DCAF6: variants seen among roughly 807,000 people sequenced by gnomAD.
DCAF6 encodes DDB1 and CUL4 associated factor 6, also known as DDB1- and CUL4-associated factor 6.
DCAF6 carries 54 observed loss-of-function variants against 125.1 expected under a neutral mutation model. The ratio of observed to expected loss-of-function variants is 0.43; its 90% CI spans 0.35 to 0.54. The LOEUF (loss-of-function observed/expected upper bound fraction) is 0.54. Among genes scored for constraint, DCAF6 ranks in the 20% least tolerant of loss-of-function variants. DCAF6 has a pLI of 0.01. For missense variants in DCAF6, 934 were observed against 1,161.7 expected, an observed-to-expected ratio of 0.80 and a Z score of 2.85; for synonymous variants, 371 against 390.4, an observed-to-expected ratio of 0.95 and a Z score of 0.58.
At chr1:168,056,005 C>G (rs1270385281) in intron 17 of DCAF6, 2 of 1,607,000 alleles carry the variant, frequency 1.2e-6, no homozygotes, top group Non-Finnish European at 1.7e-6. Context: ...CAACCATCTT[C>G]ATAACAAGAT....
intron 16 of DCAF6, among the ~76,000 whole-genome samples, chr1:168,048,863 G>T (rs1054175634): frequency 1.1e-4 from 16 of 152,242 alleles, no homozygotes; most frequent in African/African-American, 3.6e-4. Flanking sequence ...TTCAAAAATC[G>T]GCATTTGGCG....
chr1:167,928,177 T>C, the DCAF6 span, among the ~76,000 whole-genome samples: 1 of 152,050 alleles, frequency 6.6e-6, no homozygotes, highest in East Asian at 1.9e-4. Context: ...TGAAACCCTG[T>C]CTCTACTAAA....
chr1:167,873,049 G>A, the DCAF6 span, among the ~76,000 whole-genome samples: 37 of 151,798 alleles, frequency 2.4e-4, no homozygotes, highest in African/African-American at 8.7e-4. Context: ...CAGCCTGGGC[G>A]ACAGAGTGAG....
chr1:167,957,666 C>G (rs1674984766), intron 2 of DCAF6, among the ~76,000 whole-genome samples: 1 of 152,100 alleles, frequency 6.6e-6, no homozygotes, highest in Non-Finnish European at 1.5e-5. Context: ...ATTGCTAGGT[C>G]ATATGGTAAA....
intron 5 of DCAF6, among the ~76,000 whole-genome samples, chr1:167,988,208 C>T (rs1036625330): frequency 6.6e-6 from 1 of 151,992 alleles, no homozygotes; most frequent in African/African-American, 2.4e-5. Context: ...CATCTCAGGC[C>T]GGAGTGCAGT....
At chr1:167,875,047 G>T in the DCAF6 span, 3 of 1,100,350 alleles carry the variant, frequency 2.7e-6, no homozygotes, top group South Asian at 3.7e-5. Context: ...AATTCATTAA[G>T]CTGCACAGTT....
In DCAF6 at chr1:168,063,744, C is replaced by T; in HGVS notation, c.2424C>T (p.Arg808=). Residue 808 remains arginine (R), a synonymous_variant, in exon 18 of 22, where the codon CGC becomes CGT. Transcript: ENST00000367840. ...TAAAAATGGTTTATAAAGGCCATCG[C>T]AACTCCAGGACAATGGTACCAAATG... is the stretch of plus-strand genomic sequence containing the variant. ...PLVKMVYKGH[R]NSRTMIKEAN... is the part of the protein sequence containing the mutation. 6.2e-7 allele frequency: 1 copy of T among 1,605,986 alleles called. No homozygotes were observed. Among genetic ancestry groups the T allele is most frequent in the African/African-American group, 1.3e-5 (1 of 74,320 alleles).
intron 2 of DCAF6, among the ~76,000 whole-genome samples, chr1:167,953,759 T>C (rs755808688): frequency 6.6e-6 from 1 of 151,976 alleles, no homozygotes; most frequent in Non-Finnish European, 1.5e-5. Context: ...CCACCACACC[T>C]GGCTAATTTT....
At chr1:167,988,125 A>G (rs752797276) in intron 5 of DCAF6, among the ~76,000 whole-genome samples, 29 of 151,866 alleles carry the variant, frequency 1.9e-4, no homozygotes, top group Non-Finnish European at 2.4e-4. Flanking sequence ...TAATATCTCT[A>G]CTATCAGTTT....
At chr1:167,907,642 G>A in the DCAF6 span, among the ~76,000 whole-genome samples, 2 of 152,210 alleles carry the variant, frequency 1.3e-5, no homozygotes, top group Non-Finnish European at 2.9e-5. Context: ...ATATTTGGGA[G>A]CAGCCTCAAT....
At chr1:167,884,734 G>GT in the DCAF6 span, among the ~76,000 whole-genome samples, 2 of 126,302 alleles carry the variant, frequency 1.6e-5, no homozygotes, top group African/African-American at 6.2e-5. Context: ...GTCTCGCTCT[G>GT]TTGCTCAGGC....
intron 1 of DCAF6, among the ~76,000 whole-genome samples, chr1:167,939,310 T>C (rs894738080): frequency 5.3e-5 from 8 of 152,194 alleles, no homozygotes; most frequent in African/African-American, 1.9e-4. Flanking sequence ...AAAATTGTTA[T>C]ATTTAAGGTG....
chr1:168,003,923 A>G lies in DCAF6; in HGVS notation c.1051A>G (p.Arg351Gly). Residue 351 changes from arginine to glycine, a missense_variant, in exon 9 of 22, where the codon AGA (arginine) becomes GGA (glycine). Transcript: ENST00000367840. Reference protein sequence around the residue: ...LMQRMSDMLSRWFEEASEVAQ... With the variant: ...LMQRMSDMLSGWFEEASEVAQ... Reference sequence around the variant, plus strand: ...GCAGAGAATGTCTGATATGTTATCAAGATGGTTTGAAGAAGCAAGTGAGGT... The same window carrying G: ...GCAGAGAATGTCTGATATGTTATCAGGATGGTTTGAAGAAGCAAGTGAGGT... 2 of 1,612,234 alleles carry G rather than the reference A, an allele frequency of 1.2e-6. No homozygotes were observed.
At chr1:167,917,118 T>C in the DCAF6 span, 2 of 152,220 alleles carry the variant, frequency 1.3e-5, no homozygotes, top group Admixed American at 1.3e-4. Flanking sequence ...ACTGGCTTTA[T>C]TAGCACTTTT....
chr1:167,909,651 A>T, the DCAF6 span, among the ~76,000 whole-genome samples: 1 of 152,172 alleles, frequency 6.6e-6, no homozygotes, highest in Non-Finnish European at 1.5e-5. Flanking sequence ...GCCCCAGGGA[A>T]GCCGAAAGAT....
the DCAF6 span, chr1:167,904,110 C>CA: frequency 5.3e-6 from 3 of 563,220 alleles, no homozygotes; most frequent in Admixed American, 3.4e-5. Context: ...TTTTTTGAGA[C>CA]AGAGTCTTGC....
the DCAF6 span, chr1:167,919,895 G>A: frequency 2.7e-5 from 23 of 851,578 alleles, no homozygotes; most frequent in East Asian, 4.3e-4. Context: ...GCAACAGAGC[G>A]AGACCCCGTC....
chr1:167,943,055 C>T (rs1461733349), intron 1 of DCAF6, among the ~76,000 whole-genome samples: 2 of 152,048 alleles, frequency 1.3e-5, no homozygotes, highest in Non-Finnish European at 2.9e-5. Flanking sequence ...TACAGGCACC[C>T]GCCACCACGC....
At chr1:167,896,442 C>T in the DCAF6 span, among the ~76,000 whole-genome samples, 9 of 151,832 alleles carry the variant, frequency 5.9e-5, no homozygotes, top group Admixed American at 1.3e-4. Context: ...ATTGCTGTCC[C>T]GGAGAATGGG....
Sources: allele counts gnomAD v4.1 joint callset (sites outside exome capture counted in the v4.1 genomes callset), GRCh38; gene constraint gnomAD v4.1.1; transcripts MANE v1.5; gene names NCBI Gene and HGNC (gene_info 2026-07-23, HGNC 2026-07-21).